Variants in DCAF1 observed in about 807,000 individuals in gnomAD.
DCAF1 encodes DDB1- and CUL4-associated factor 1.
In DCAF1, 15 loss-of-function variants were observed where a neutral mutation model predicts 128.0. The ratio of observed to expected loss-of-function variants is 0.12; its 90% confidence interval spans 0.08 to 0.18. The LOEUF is 0.18. Among genes scored for constraint, DCAF1 ranks in the 10% least tolerant of loss-of-function variants. The probability of loss-of-function intolerance (pLI) is 1.00; values close to 1 mark genes in which losing one functional copy is unlikely to be tolerated. For missense variants in DCAF1, 988 were observed against 1,649.5 expected (o/e 0.60, Z 6.95); for synonymous variants, 610 against 603.0 (o/e 1.01, Z -0.17).
rs574224412 is a variant in DCAF1 at position 51,417,699 on chromosome 3, G to A, written c.3518+417C>T. On this transcript the variant is annotated intron_variant, in intron 17 of 24. Transcript: ENST00000684031. Reference sequence around the variant, plus strand: ...CGCGCCACTGCACTCCAGCCTGGGCGACAGAACGAGACTCTGTCTCACAAA... The same window carrying A: ...CGCGCCACTGCACTCCAGCCTGGGCAACAGAACGAGACTCTGTCTCACAAA... Among the ~76,000 whole-genome samples, 92 of 148,926 alleles carry A rather than the reference G, an allele frequency of 6.2e-4. 1 individual carries two copies. Among genetic ancestry groups the A allele is most frequent in the Admixed American group, 1.8e-3 (26 of 14,622 alleles).
chr3:51,461,581 T>G (rs1344626464), intron 6 of DCAF1, among the ~76,000 whole-genome samples: 11 of 152,166 alleles, frequency 7.2e-5, no homozygotes, highest in Non-Finnish European at 1.5e-4. Flanking sequence ...CAAAGGATTA[T>G]AAATCATGCT....
At chr3:51,425,855 C>T (rs1283753964) in intron 13 of DCAF1, among the ~76,000 whole-genome samples, 1 of 152,014 alleles carries the variant, frequency 6.6e-6, no homozygotes, top group East Asian at 1.9e-4. Context: ...TGAACCACCA[C>T]GCCTGGCCTA....
intron 23 of DCAF1, among the ~76,000 whole-genome samples, chr3:51,409,958 A>C (rs535247618): frequency 6.6e-6 from 1 of 152,318 alleles, no homozygotes; most frequent in African/African-American, 2.4e-5. Context: ...TAAATCAAAG[A>C]TTTCAAGTAT....
chr3:51,452,159 C>T (rs1213252702), intron 6 of DCAF1, among the ~76,000 whole-genome samples: 1 of 152,002 alleles, frequency 6.6e-6, no homozygotes, highest in Non-Finnish European at 1.5e-5. Flanking sequence ...AAGCAATCTT[C>T]CCACCTCAGA....
intron 7 of DCAF1, among the ~76,000 whole-genome samples, chr3:51,443,538 C>G (rs1249088531): frequency 6.7e-5 from 10 of 149,562 alleles, no homozygotes; most frequent in African/African-American, 2.5e-4. Flanking sequence ...TGCAATGAGC[C>G]AAGATTGCAT....
At chr3:51,498,916 A>G (rs991996165) in intron 1 of DCAF1, among the ~76,000 whole-genome samples, 7 of 152,230 alleles carry the variant, frequency 4.6e-5, no homozygotes, top group South Asian at 4.1e-4. Context: ...CTGTACATTA[A>G]CGATGCATTT....
At chr3:51,453,780 C>T (rs1414746724) in intron 6 of DCAF1, among the ~76,000 whole-genome samples, 6 of 151,964 alleles carry the variant, frequency 3.9e-5, no homozygotes, top group South Asian at 4.2e-4. Context: ...TGGAGAAACC[C>T]CATCTCTACT....
At chr3:51,436,527 T>C (rs1700848623) in intron 9 of DCAF1, 1 of 464,172 alleles carries the variant, frequency 2.2e-6, no homozygotes, top group Non-Finnish European at 4.4e-6. Flanking sequence ...AGCTACCCTA[T>C]GCTAGGATAG....
At chr3:51,405,284 A>AGTTC (rs2090027326) in intron 23 of DCAF1, among the ~76,000 whole-genome samples, 2 of 152,218 alleles carry the variant, frequency 1.3e-5, no homozygotes, top group Admixed American at 6.5e-5. Flanking sequence ...TTTCATTTTG[A>AGTTC]AGAACATTGA....
chr3:51,437,964 C>G, intron 9 of DCAF1: 1 of 232,292 alleles, frequency 4.3e-6, no homozygotes, highest in Admixed American at 5.6e-5. Flanking sequence ...AATATTCAGT[C>G]TCACTTATAA....
intron 3 of DCAF1, among the ~76,000 whole-genome samples, chr3:51,478,895 T>G (rs1705812414): frequency 6.6e-6 from 1 of 152,342 alleles, no homozygotes; most frequent in African/African-American, 2.4e-5. Context: ...GTTCCCCATG[T>G]ATTAAAAGCA....
At chr3:51,429,233 T>C in intron 12 of DCAF1, 28 bp downstream of exon 12, 2 of 742,894 alleles carry the variant, frequency 2.7e-6, no homozygotes. Flanking sequence ...CTAACAGAAC[T>C]TTCCCTTTCA....
intron 3 of DCAF1, 50 bp downstream of exon 3, chr3:51,483,669 T>C: frequency 8.4e-7 from 1 of 1,192,716 alleles, no homozygotes; most frequent in Non-Finnish European, 1.3e-6. Context: ...AGCGTATGAG[T>C]TGTGTCCGAG....
In DCAF1 at chr3:51,441,833, T is replaced by C; in HGVS notation, c.578A>G (p.Asn193Ser). The change falls in exon 8 of 25, where the codon AAC (asparagine) becomes AGC (serine). Residue 193 changes from asparagine to serine, a missense_variant. Physicochemically the swap from Asn to Ser is conservative, Grantham distance 46. Around this residue, in one of 11 missense-constraint regions of DCAF1, gnomAD observed 210 missense variants for 260.2 expected, o/e 0.81. Transcript: ENST00000684031. ...QLQEVALRQE[N>S]KRPSPRKLSS... The stretch of plus-strand genomic sequence containing the variant: ...GAGCTTCCGTGGACTGGGACGCTTG[T>C]TTTCCTGCCGCAAAGCCACTTCCTG... 1.2e-6 allele frequency: 2 copies of C among 1,613,424 alleles called. No individual in the cohort carries two copies. Among genetic ancestry groups the C allele is most frequent in the South Asian group, 2.2e-5 (2 of 91,074 alleles).
chr3:51,402,566 A>ATTGTTT (rs2089791037), intron 24 of DCAF1, among the ~76,000 whole-genome samples: 1 of 84,984 alleles, frequency 1.2e-5, no homozygotes. Flanking sequence ...CCTACAAAGC[A>ATTGTTT]TTTTTTTTTT....
chr3:51,429,221 G>A, intron 12 of DCAF1, 40 bp downstream of exon 12: 2 of 727,706 alleles, frequency 2.7e-6, no homozygotes, highest in Non-Finnish European at 5.1e-6. Context: ...CTACAGAGAG[G>A]GCTAACAGAA....
At chr3:51,478,199 C>T (rs1182184698) in intron 3 of DCAF1, among the ~76,000 whole-genome samples, 1 of 151,950 alleles carries the variant, frequency 6.6e-6, no homozygotes, top group Non-Finnish European at 1.5e-5. Context: ...AGACAACAGT[C>T]TCACCATGTT....
At chr3:51,437,853 C>T (rs528145557) in intron 9 of DCAF1, among the ~76,000 whole-genome samples, 1 of 151,194 alleles carries the variant, frequency 6.6e-6, no homozygotes, top group East Asian at 1.9e-4. Flanking sequence ...ATAACACAAA[C>T]AACATTGTTG....
intron 2 of DCAF1, among the ~76,000 whole-genome samples, chr3:51,486,441 G>A (rs1553655497): frequency 6.6e-6 from 1 of 151,004 alleles, no homozygotes; most frequent in Non-Finnish European, 1.5e-5. Context: ...TGATCCTCCT[G>A]CCTTAGCCCC....
Sources: gnomAD v4.1 joint callset for allele counts (sites outside exome capture counted in the v4.1 genomes callset) on GRCh38, gnomAD v4.1.1 for gene constraint, gnomAD v4.1.1 regional missense constraint, MANE v1.5 for transcripts, NCBI Gene and HGNC (gene_info 2026-07-23, HGNC 2026-07-21) for gene names.